Variants in UNC80 observed in about 807,000 individuals in gnomAD.
UNC80 encodes unc-80 subunit of NALCN channel complex.
Under a neutral mutation model 384.6 loss-of-function variants are expected in UNC80, and 164 were observed. The ratio of observed to expected loss-of-function variants is 0.43; its 90% CI spans 0.38 to 0.49. The LOEUF is 0.49. UNC80 is among the 20% of genes least tolerant of loss of function. The pLI is 0.00. For missense variants in UNC80, 3,330 were observed against 4,143.0 expected, an observed-to-expected ratio of 0.80 and a Z score of 5.39; for synonymous variants, 1,486 against 1,527.8, an observed-to-expected ratio of 0.97 and a Z score of 0.64.
intron 22 of UNC80, among the ~76,000 whole-genome samples, chr2:209,855,404 G>A (rs1405599249): frequency 6.6e-6 from 1 of 152,046 alleles, no homozygotes; most frequent in Non-Finnish European, 1.5e-5. Flanking sequence ...AACCACCATG[G>A]CACAAGTTTA....
intron 39 of UNC80, among the ~76,000 whole-genome samples, chr2:209,934,230 G>A (rs539808811): frequency 1.3e-5 from 2 of 152,262 alleles, no homozygotes; most frequent in Non-Finnish European, 1.5e-5. Context: ...ACTGAGATCC[G>A]CATGAATCAG....
intron 4 of UNC80, among the ~76,000 whole-genome samples, chr2:209,778,297 G>A (rs1433848283): frequency 6.6e-6 from 1 of 152,186 alleles, no homozygotes; most frequent in African/African-American, 2.4e-5. Flanking sequence ...CTACTCGGGA[G>A]GCTGAGGCAG....
chr2:209,870,630 G>A (rs1165790956), intron 22 of UNC80, among the ~76,000 whole-genome samples: 2 of 152,088 alleles, frequency 1.3e-5, no homozygotes, highest in African/African-American at 4.8e-5. Context: ...AATTTTTCAT[G>A]TTGTGGTAAT....
At chr2:209,942,380 C>T (rs189650863) in intron 44 of UNC80, among the ~76,000 whole-genome samples, 88 of 152,204 alleles carry the variant, frequency 5.8e-4, no homozygotes, top group Admixed American at 2.9e-3. Context: ...ATGTTTCTCC[C>T]GAGAGATTCC....
At chr2:209,983,386 A>G (rs7605390) in intron 60 of UNC80, among the ~76,000 whole-genome samples, 77,061 of 151,998 alleles carry the variant, frequency 0.51, 19,651 homozygotes, top group African/African-American at 0.53. Context: ...TTATATAAGT[A>G]CCATTTAATT....
intron 7 of UNC80, among the ~76,000 whole-genome samples, chr2:209,794,453 A>T (rs1463610365): frequency 6.6e-6 from 1 of 152,306 alleles, no homozygotes; most frequent in Non-Finnish European, 1.5e-5. Context: ...GTATATCCCT[A>T]CTTTCAAATA....
chr2:209,839,283 T>A lies in UNC80; in HGVS notation c.3103T>A (p.Ser1035Thr), dbSNP rs2081568824. 1 of 1,551,564 alleles carries A rather than the reference T, an allele frequency of 6.4e-7. No homozygotes were observed. Among genetic ancestry groups the A allele is most frequent in the East Asian group, 2.4e-5 (1 of 40,898 alleles). The change falls in exon 19 of 65, where the codon TCC (serine) becomes ACC (threonine). Residue 1035 changes from serine (S) to threonine (T), a missense_variant. Physicochemically the swap from Ser to Thr is moderately conservative, Grantham distance 58. Coordinates refer to ENST00000673920, the MANE Select transcript of UNC80 (RefSeq NM_001371986.1). This position sits in a 1 kb window ranked among gnomAD's most constrained non-coding sequence, Gnocchi z 4.1. ...RKDFWRKMFKSQSAASDTSSQ... is the reference protein window; with the variant it reads ...RKDFWRKMFKTQSAASDTSSQ... ...AGATTTCTGGCGTAAGATGTTCAAG[T>A]CCCAGAGTGCAGCAAGTGACACCAG...
At chr2:209,844,489 TTCCTTCCTTCCTTCCTTCCTTCC>T (rs2082025967) in intron 21 of UNC80, among the ~76,000 whole-genome samples, 9 of 96,808 alleles carry the variant, frequency 9.3e-5, no homozygotes, top group African/African-American at 3.7e-4. Flanking sequence ...CCTTCCTTCC[TTCCTTCCTTCCTTCCTTCCTTCC>T]TTCCTTCCTT....
intron 61 of UNC80, among the ~76,000 whole-genome samples, chr2:209,987,317 A>G (rs900299642): frequency 6.6e-6 from 1 of 152,144 alleles, no homozygotes; most frequent in African/African-American, 2.4e-5. Flanking sequence ...TTTTTTTTAA[A>G]TGTGCTAACT....
intron 53 of UNC80, 61 bp downstream of exon 53, chr2:209,969,952 T>C: frequency 6.5e-7 from 1 of 1,534,272 alleles, no homozygotes; most frequent in Non-Finnish European, 8.8e-7. Context: ...TATTGACTTC[T>C]CTGAATTGAA....
Position 209,904,814 on chromosome 2 carries a change from A to T in UNC80, c.4631A>T (p.Asp1544Val), listed in dbSNP as rs535446408. ...CAGAGTTTCATCTGCACTCACGTTG[A>T]CTACTGCCATCCCCACTGCTACCTG... is the stretch of plus-strand genomic sequence containing the variant. ...NQQSFICTHV[D>V]YCHPHCYLHH... The change falls in exon 29 of 65, where the codon GAC becomes GTC. Residue 1544 changes from aspartate to valine, a missense_variant. By Grantham distance (152) the Asp-to-Val change is radical (BLOSUM62 -3). Coordinates refer to ENST00000673920, the MANE Select transcript of UNC80 (RefSeq NM_001371986.1). The T allele has an allele frequency of 6.4e-7, 1 of 1,551,946 alleles. No homozygotes were observed. The highest frequency in any genetic ancestry group is 1.4e-5 in the African/African-American group (1 of 73,154).
At chr2:209,894,466 G>A in intron 27 of UNC80, 100 bp downstream of exon 27, 1 of 621,750 alleles carries the variant, frequency 1.6e-6, no homozygotes, top group Non-Finnish European at 2.0e-6. Context: ...ATAAATAGAT[G>A]GAGGGCAGAG....
intron 22 of UNC80, among the ~76,000 whole-genome samples, chr2:209,856,511 G>T (rs959449038): frequency 6.6e-6 from 1 of 151,836 alleles, no homozygotes; most frequent in African/African-American, 2.4e-5. Context: ...AGGTAGCAAA[G>T]ACATTCTTAT....
intron 9 of UNC80, among the ~76,000 whole-genome samples, chr2:209,816,352 G>T (rs2079733256): frequency 6.6e-6 from 1 of 152,180 alleles, no homozygotes; most frequent in African/African-American, 2.4e-5. Flanking sequence ...GGAATGATGG[G>T]TTTGTGGCAA....
At chr2:209,788,046 G>A (rs1247191869) in intron 5 of UNC80, among the ~76,000 whole-genome samples, 1 of 152,152 alleles carries the variant, frequency 6.6e-6, no homozygotes, top group Non-Finnish European at 1.5e-5. Flanking sequence ...GCTAATGTGT[G>A]TGTTTGTGTC....
rs371059292 is a variant in UNC80, at chr2:209,978,607, G to T, written c.9017G>T (p.Arg3006Leu). The T allele has an allele frequency of 1.3e-6, 2 of 1,551,424 alleles. No individual in the cohort carries two copies. The highest frequency in any genetic ancestry group is 1.7e-6 in the Non-Finnish European group (2 of 1,146,814). Reference sequence around the variant, plus strand: ...CGCCTGAGCTTGGCCACCATGTCCCGCTCTAACACGGGCACGGGCACTGTC... The same window carrying T: ...CGCCTGAGCTTGGCCACCATGTCCCTCTCTAACACGGGCACGGGCACTGTC... Reference protein sequence around the residue: ...AYRLSLATMSRSNTGTGTVWE... With the variant: ...AYRLSLATMSLSNTGTGTVWE... Residue 3006 changes from arginine to leucine, a missense_variant, in exon 59 of 65, where the codon CGC (arginine) becomes CTC (leucine). Coordinates refer to ENST00000673920, the MANE Select transcript of UNC80 (RefSeq NM_001371986.1).
chr2:209,817,189 G>A lies in UNC80; in HGVS notation c.1552+64G>A, dbSNP rs1402116859. 7.0e-5 allele frequency: 101 copies of A among 1,445,356 alleles called. 6 individuals are homozygous for A. The South Asian group carries it at 1.1e-3, about 16-fold the overall frequency. The allele number at this position is 1,445,356 out of a possible 1,614,324, so 89.5% of individuals were successfully genotyped here. On this transcript the variant is annotated intron_variant, in intron 10 of 64. Transcript: ENST00000673920. The stretch of plus-strand genomic sequence containing the variant: ...TGACCTGTTTAGAACTGGATCTAGG[G>A]CTTCTGGGCAAATCTGAATCTTTCT...
At chr2:209,894,399 G>T (rs559762210) in intron 27 of UNC80, 33 bp downstream of exon 27, 3 of 978,842 alleles carry the variant, frequency 3.1e-6, no homozygotes, top group Middle Eastern at 5.3e-4. Flanking sequence ...GCAGGGACGT[G>T]GGGGGTAGGA....
intron 48 of UNC80, among the ~76,000 whole-genome samples, chr2:209,955,918 A>G (rs1469353353): frequency 1.3e-5 from 2 of 150,844 alleles, no homozygotes; most frequent in Non-Finnish European, 3.0e-5. Context: ...TAATTTTTGT[A>G]TTTTCAGTAG....
Sources: gnomAD v4.1 joint callset for allele counts (sites outside exome capture counted in the v4.1 genomes callset) on GRCh38, gnomAD v4.1.1 for gene constraint, Gnocchi (gnomAD v3.1) non-coding constraint, MANE v1.5 for transcripts, NCBI Gene and HGNC (gene_info 2026-07-23, HGNC 2026-07-21) for gene names.